PAK2: variants seen among roughly 807,000 people sequenced by gnomAD.
The protein encoded by PAK2 is serine/threonine-protein kinase PAK 2.
In PAK2, 21 loss-of-function variants were observed where a neutral mutation model predicts 65.9. That is an observed-to-expected ratio of 0.32 (90% CI 0.23 to 0.46). The LOEUF (loss-of-function observed/expected upper bound fraction) is 0.46. Among genes scored for constraint, PAK2 ranks in the 20% least tolerant of loss-of-function variants. The pLI, the probability that PAK2 is intolerant of heterozygous loss-of-function variation, is 1.00. For missense variants in PAK2, 324 were observed against 642.6 expected (o/e 0.50, Z 5.36); for synonymous variants, 204 against 219.7 (o/e 0.93, Z 0.63).
At chr3:196,753,503 CTTT>C (rs1560090583) in intron 1 of PAK2, among the ~76,000 whole-genome samples, 1 of 152,206 alleles carries the variant, frequency 6.6e-6, no homozygotes, top group Non-Finnish European at 1.5e-5. Context: ...CTAATTATTT[CTTT>C]TATCTCGCTA....
At chr3:196,796,626 G>A (rs1182831434) in intron 2 of PAK2, among the ~76,000 whole-genome samples, 1 of 152,140 alleles carries the variant, frequency 6.6e-6, no homozygotes, top group East Asian at 1.9e-4. Flanking sequence ...GTAGATAAAA[G>A]GGAATCTCAA....
rs1396131925 is a variant in PAK2 at position 196,827,178 on chromosome 3, A to G, written c.1351-18A>G. ...TTGAGCTATCTTAAGTGGATCAAAG[A>G]TGTTCTTCTATTTTTAGGCCTTGTA... On this transcript the variant is annotated intron_variant, in intron 13 of 14. Transcript: ENST00000327134. 4 of 1,562,580 alleles carry G rather than the reference A, an allele frequency of 2.6e-6. No homozygotes were observed. Among genetic ancestry groups the G allele is most frequent in the South Asian group, 1.1e-5 (1 of 87,590 alleles).
At chr3:196,809,923 G>A (rs1309547846) in intron 7 of PAK2, among the ~76,000 whole-genome samples, 2 of 151,944 alleles carry the variant, frequency 1.3e-5, no homozygotes, top group East Asian at 3.9e-4. Context: ...AGGATTTTAT[G>A]TCCAACTTCC....
intron 7 of PAK2, 87 bp downstream of exon 7, chr3:196,808,001 A>G: frequency 1.5e-6 from 2 of 1,294,366 alleles, no homozygotes. Flanking sequence ...TACACTTTAC[A>G]TTGTGACTTA....
intron 1 of PAK2, among the ~76,000 whole-genome samples, chr3:196,759,772 G>A (rs954144707): frequency 2.6e-5 from 4 of 151,876 alleles, no homozygotes; most frequent in Admixed American, 6.6e-5. Context: ...TGATCTGCCC[G>A]CCTCAGCCTC....
chr3:196,827,385 C>T (rs374669025), intron 14 of PAK2, 52 bp downstream of exon 14: 64 of 1,569,922 alleles, frequency 4.1e-5, no homozygotes, highest in East Asian at 1.6e-4. Flanking sequence ...TTTTGGTAAC[C>T]GACAGAAAGC....
At position 196,791,723 on chromosome 3, in the gene PAK2, G is replaced by A. The variant is rs1211421288; in HGVS notation, c.187+8890G>A. Among the ~76,000 whole-genome samples the A allele has an allele frequency of 6.6e-6, 1 of 152,074 alleles. No homozygotes were observed. Among genetic ancestry groups the A allele is most frequent in the African/African-American group, 2.4e-5 (1 of 41,412 alleles). The stretch of plus-strand genomic sequence containing the variant: ...GTGGATCACGAGGTCAGGAGATCAA[G>A]ACCATCCTGGCTAACAAGGTGAAAC... On this transcript the variant is annotated intron_variant, in intron 2 of 14. Transcript: ENST00000327134. The surrounding 1 kb of genome is among the most constrained non-coding windows in gnomAD (Gnocchi z 4.0).
At chr3:196,759,205 A>G (rs1045522214) in intron 1 of PAK2, among the ~76,000 whole-genome samples, 1 of 152,124 alleles carries the variant, frequency 6.6e-6, no homozygotes, top group Non-Finnish European at 1.5e-5. Flanking sequence ...CCATTGAGAG[A>G]CTGCCTGATT....
intron 1 of PAK2, among the ~76,000 whole-genome samples, chr3:196,776,403 G>A (rs1472571602): frequency 6.6e-6 from 1 of 152,152 alleles, no homozygotes; most frequent in African/African-American, 2.4e-5. Context: ...CTAGCCCTCT[G>A]TTTCATGCAA....
In PAK2 at chr3:196,778,761, C is replaced by A. The variant is rs150246329; in HGVS notation, c.-21-3865C>A. On this transcript the variant is annotated intron_variant, in intron 1 of 14. Coordinates refer to ENST00000327134, the MANE Select transcript of PAK2 (RefSeq NM_002577.4). ...TGTCTCCTCTGATCTGTTACAGTTT[C>A]TCAGTCTTGTTTTTCGTGTCCTTGA... 2.0e-3 allele frequency among the ~76,000 whole-genome samples: 311 copies of A among 152,248 alleles called. 1 individual carries two copies. The highest frequency in any genetic ancestry group is 7.0e-3 in the African/African-American group (292 of 41,534).
chr3:196,796,612 C>T (rs1715267996), intron 2 of PAK2, among the ~76,000 whole-genome samples: 3 of 152,152 alleles, frequency 2.0e-5, no homozygotes, highest in Admixed American at 1.3e-4. Flanking sequence ...TAAGAAACAA[C>T]TGAGTAGATA....
At chr3:196,813,126 T>C (rs975103036) in intron 10 of PAK2, among the ~76,000 whole-genome samples, 2 of 152,050 alleles carry the variant, frequency 1.3e-5, no homozygotes, top group Non-Finnish European at 2.9e-5. Context: ...ACATGAATGG[T>C]TGGCTGTGAT....
At chr3:196,747,429 T>G (rs532978754) in intron 1 of PAK2, 1 of 152,332 alleles carries the variant, frequency 6.6e-6, no homozygotes, top group East Asian at 1.9e-4. Context: ...AATGTTCTTC[T>G]GCTCAGTATT....
chr3:196,801,814 C>T, intron 2 of PAK2, 113 bp from the exon 3 acceptor site: 2 of 587,890 alleles, frequency 3.4e-6, no homozygotes, highest in Non-Finnish European at 6.1e-6. Context: ...GCCTGGGCAA[C>T]AAGAGCGAAA....
intron 1 of PAK2, among the ~76,000 whole-genome samples, chr3:196,764,902 G>A (rs1164438339): frequency 4.8e-5 from 7 of 146,350 alleles, no homozygotes; most frequent in Non-Finnish European, 9.0e-5. Flanking sequence ...GAGTGCAGTG[G>A]TGCGATCTCG....
intron 1 of PAK2, among the ~76,000 whole-genome samples, chr3:196,753,999 T>C (rs1449580641): frequency 6.6e-6 from 1 of 152,226 alleles, no homozygotes; most frequent in African/African-American, 2.4e-5. Flanking sequence ...GTCCCCTATG[T>C]GAACTGCTCA....
At chr3:196,767,405 A>G (rs532025404) in intron 1 of PAK2, among the ~76,000 whole-genome samples, 1 of 96,482 alleles carries the variant, frequency 1.0e-5, no homozygotes, top group East Asian at 3.4e-4. Flanking sequence ...ACAGAATTTT[A>G]GGAGGAAAAA....
chr3:196,748,048 T>C (rs1713449465), intron 1 of PAK2, among the ~76,000 whole-genome samples: 1 of 152,222 alleles, frequency 6.6e-6, no homozygotes, highest in African/African-American at 2.4e-5. Flanking sequence ...TTATTTGGTT[T>C]TCTTTAATAT....
rs1170127913 is a variant in PAK2, at chr3:196,751,667, TTATATACA to T, written c.-22+11517_-22+11524del. Among the ~76,000 whole-genome samples, 8 of 45,108 alleles carry T rather than the reference TTATATACA, an allele frequency of 1.8e-4. 1 individual carries two copies. The highest frequency in any genetic ancestry group is 8.0e-4 in the African/African-American group (8 of 10,050). The allele number at this position is 45,108 out of a possible 152,430, so 29.6% of individuals were successfully genotyped here. On this transcript the variant is annotated intron_variant, in intron 1 of 14. Transcript: ENST00000327134. ...CCCCCCAAAAAACACACAAATTTAT[TTATATACA>T]TATATATATATATATATATAATTCA...
Sources: gnomAD v4.1 joint callset for allele counts (sites outside exome capture counted in the v4.1 genomes callset) on GRCh38, gnomAD v4.1.1 for gene constraint, Gnocchi (gnomAD v3.1) non-coding constraint, MANE v1.5 for transcripts, NCBI Gene and HGNC (gene_info 2026-07-23, HGNC 2026-07-21) for gene names.